Variants in ADD2 observed in about 807,000 individuals in gnomAD.
ADD2 encodes the protein adducin 2.
Under a neutral mutation model 83.0 loss-of-function variants are expected in ADD2, and 23 were observed. The observed-to-expected ratio is 0.28, with a 90% CI of 0.20 to 0.39. ADD2 has a LOEUF of 0.39. Ranked by LOEUF, ADD2 falls within the 10% of genes least tolerant of loss-of-function variation. The pLI is 1.00. For missense variants in ADD2, 758 were observed against 944.9 expected, an observed-to-expected ratio of 0.80 and a Z score of 2.59; for synonymous variants, 375 against 375.4, an observed-to-expected ratio of 1.00 and a Z score of 0.01.
At chr2:70,764,977 T>TTG (rs1553385719) in intron 1 of ADD2, among the ~76,000 whole-genome samples, 1 of 152,040 alleles carries the variant, frequency 6.6e-6, no homozygotes, top group East Asian at 1.9e-4. Context: ...AAACTTGTCC[T>TTG]TGTGTCTGAT....
chr2:70,699,938 TACA>T (rs1252154928), intron 4 of ADD2, among the ~76,000 whole-genome samples: 2 of 152,196 alleles, frequency 1.3e-5, no homozygotes, highest in African/African-American at 4.8e-5. Context: ...TATTCTCTTA[TACA>T]AAGAAGCTAT....
At chr2:70,663,970 CTT>C (rs1675647806) in intron 15 of ADD2, among the ~76,000 whole-genome samples, 1 of 152,056 alleles carries the variant, frequency 6.6e-6, no homozygotes, top group Non-Finnish European at 1.5e-5. Context: ...GCTCTGGGCT[CTT>C]GTCTATGAAT....
At position 70,677,781 on chromosome 2, in the gene ADD2, C is replaced by T. The variant is rs781894360; in HGVS notation, c.1480G>A (p.Glu494Lys). 1.2e-6 allele frequency: 2 copies of T among 1,614,208 alleles called. No individual in the cohort carries two copies. Among genetic ancestry groups the T allele is most frequent in the South Asian group, 2.2e-5 (2 of 91,082 alleles). ...QFVPLYTDPQ[E>K]VLEMRNKIRE... is the part of the protein sequence containing the mutation. The stretch of plus-strand genomic sequence containing the variant: ...ACCTTGTTCCTCATCTCCAGTACTT[C>T]CTGGGGGTCAGTATAGAGAGGCACA... The change falls in exon 12 of 16, where the codon GAA becomes AAA. Residue 494 changes from glutamate (E) to lysine (K), a missense_variant. Glu to Lys is a moderately conservative substitution (Grantham distance 56). Transcript: ENST00000264436.
At position 70,662,532 on chromosome 2, in the gene ADD2, C is replaced by A. The variant is rs1553365192; in HGVS notation, c.*893G>T. 1 of 152,228 alleles carries A rather than the reference C, an allele frequency of 6.6e-6. No individual in the cohort carries two copies. The highest frequency in any genetic ancestry group is 2.4e-5 in the African/African-American group (1 of 41,446). The allele number at this position is 152,228 out of a possible 1,614,324, so 9.4% of individuals were successfully genotyped here. A position where few individuals can be genotyped will look rare whatever the true frequency, so the allele number is the denominator to read the frequency against. On this transcript the variant is annotated 3_prime_UTR_variant, in exon 16 of 16. Coordinates refer to ENST00000264436, the MANE Select transcript of ADD2 (RefSeq NM_001617.4). ...GCATTGCTCCAGGTGTCATGCAAAG[C>A]TAGAAAGTCAGCATTTCCTCTGTTG...
intron 1 of ADD2, among the ~76,000 whole-genome samples, chr2:70,764,351 G>A (rs1419500805): frequency 6.6e-6 from 1 of 151,896 alleles, no homozygotes; most frequent in Non-Finnish European, 1.5e-5. Flanking sequence ...TCCATACAAA[G>A]ATGAACTGGC....
chr2:70,741,185 G>A (rs1234897394), intron 1 of ADD2, among the ~76,000 whole-genome samples: 1 of 152,208 alleles, frequency 6.6e-6, no homozygotes, highest in Middle Eastern at 3.2e-3. Flanking sequence ...AGAGAGTCAG[G>A]AGCATCAAGA....
In ADD2 at chr2:70,657,959, C is replaced by A. The variant is rs1675418118; in HGVS notation, c.*5466G>T. On this transcript the variant is annotated 3_prime_UTR_variant, in exon 16 of 16. Coordinates refer to ENST00000264436, the MANE Select transcript of ADD2 (RefSeq NM_001617.4). The stretch of plus-strand genomic sequence containing the variant: ...GCACCAATAATGATCATTTCTCCCC[C>A]ATCTGCAGGCCCCAATTTCCCATAG... 6.6e-6 allele frequency: 1 copy of A among 152,198 alleles called. No individual in the cohort carries two copies. The highest frequency in any genetic ancestry group is 1.5e-5 in the Non-Finnish European group (1 of 68,050). The allele number at this position is 152,198 out of a possible 1,614,324, so 9.4% of individuals were successfully genotyped here.
intron 1 of ADD2, among the ~76,000 whole-genome samples, chr2:70,747,748 T>C (rs1189267843): frequency 3.3e-5 from 5 of 152,220 alleles, no homozygotes; most frequent in Admixed American, 3.3e-4. Flanking sequence ...TCAGCGACAG[T>C]ATCTCTTTAG....
intron 4 of ADD2, 58 bp downstream of exon 4, chr2:70,704,263 T>TGGGCCCCCCCCCC: frequency 2.2e-6 from 2 of 913,234 alleles, no homozygotes; most frequent in Non-Finnish European, 3.4e-6. Context: ...CTCCCTCTCT[T>TGGGCCCCCCCCCC]CCCCACCCCA....
chr2:70,702,570 A>G (rs1189400115), intron 4 of ADD2, among the ~76,000 whole-genome samples: 3 of 152,186 alleles, frequency 2.0e-5, no homozygotes, highest in Non-Finnish European at 4.4e-5. Context: ...TGGGAAAGGT[A>G]TTTCTAAGCA....
chr2:70,670,781 G>A (rs1360058280), intron 15 of ADD2, among the ~76,000 whole-genome samples: 3 of 152,204 alleles, frequency 2.0e-5, no homozygotes, highest in Admixed American at 1.3e-4. Flanking sequence ...GCCTGGCCAA[G>A]GCTTCACACC....
At chr2:70,670,625 G>A (rs1669856933) in intron 15 of ADD2, among the ~76,000 whole-genome samples, 1 of 152,198 alleles carries the variant, frequency 6.6e-6, no homozygotes, top group Non-Finnish European at 1.5e-5. Context: ...ACACTGAGGC[G>A]ACTCAGCATA....
intron 1 of ADD2, among the ~76,000 whole-genome samples, chr2:70,734,486 T>C (rs1464734122): frequency 3.3e-5 from 5 of 151,964 alleles, no homozygotes; most frequent in African/African-American, 4.8e-5. Flanking sequence ...CTTGGTAAAA[T>C]GCTCCCAGGT....
chr2:70,669,653 G>A (rs1391380799), intron 15 of ADD2, among the ~76,000 whole-genome samples: 1 of 152,198 alleles, frequency 6.6e-6, no homozygotes, highest in Non-Finnish European at 1.5e-5. Context: ...CACTGAATCT[G>A]GGCTGGCCCT....
At chr2:70,744,187 C>A (rs1574314240) in intron 1 of ADD2, among the ~76,000 whole-genome samples, 1 of 152,146 alleles carries the variant, frequency 6.6e-6, no homozygotes, top group Admixed American at 6.5e-5. Context: ...TTTGAATAAA[C>A]CCTATAGATT....
intron 1 of ADD2, among the ~76,000 whole-genome samples, chr2:70,753,878 A>C (rs1337011297): frequency 3.3e-5 from 5 of 152,332 alleles, no homozygotes; most frequent in African/African-American, 1.2e-4. Context: ...TAGAGGCATA[A>C]ATCACAAGAA....
chr2:70,751,364 G>A (rs1390773591), intron 1 of ADD2, among the ~76,000 whole-genome samples: 4 of 152,098 alleles, frequency 2.6e-5, no homozygotes, highest in African/African-American at 9.7e-5. Flanking sequence ...CACTTATATA[G>A]AAAAATCTTA....
intron 1 of ADD2, among the ~76,000 whole-genome samples, chr2:70,737,921 A>T (rs1263334022): frequency 6.6e-6 from 1 of 152,122 alleles, no homozygotes; most frequent in Non-Finnish European, 1.5e-5. Flanking sequence ...ACCACTCTTT[A>T]GAGTGGAAAT....
At chr2:70,689,628 G>GGATA (rs1379472092) in intron 8 of ADD2, among the ~76,000 whole-genome samples, 1 of 152,188 alleles carries the variant, frequency 6.6e-6, no homozygotes, top group Non-Finnish European at 1.5e-5. Flanking sequence ...GAGAGAGGTG[G>GGATA]GATACCTCAC....
Sources: gnomAD v4.1 joint callset for allele counts (sites outside exome capture counted in the v4.1 genomes callset) on GRCh38, gnomAD v4.1.1 for gene constraint, MANE v1.5 for transcripts, NCBI Gene and HGNC (gene_info 2026-07-23, HGNC 2026-07-21) for gene names.